The following CPD variants were observed in gnomAD, a reference collection of about 807,000 sequenced individuals.
CPD encodes the protein carboxypeptidase D.
A neutral mutation model predicts 138.3 loss-of-function variants in CPD; 69 were observed. The observed-to-expected ratio is 0.50, with a 90% CI of 0.41 to 0.61. The LOEUF (loss-of-function observed/expected upper bound fraction) is 0.61, where lower values mean the gene tolerates loss of function less well. Ranked by LOEUF, CPD falls within the 20% of genes least tolerant of loss-of-function variation. The pLI is 0.00. For missense variants in CPD, 1,432 were observed against 1,733.3 expected (o/e 0.83, Z 3.09); for synonymous variants, 651 against 642.1 (o/e 1.01, Z -0.21).
intron 2 of CPD, among the ~76,000 whole-genome samples, chr17:30,394,047 G>A (rs974702013): frequency 6.7e-6 from 1 of 150,026 alleles, no homozygotes; most frequent in South Asian, 2.1e-4. Flanking sequence ...AGGGGCTGAG[G>A]CAGCAAGATA....
intron 1 of CPD, among the ~76,000 whole-genome samples, chr17:30,383,100 G>A (rs1440760301): frequency 6.6e-6 from 1 of 152,152 alleles, no homozygotes; most frequent in Admixed American, 6.5e-5. Flanking sequence ...TTAGAGTGGA[G>A]TTAGAAAGTT....
intron 17 of CPD, among the ~76,000 whole-genome samples, chr17:30,458,559 T>C (rs2143505374): frequency 6.6e-6 from 1 of 152,162 alleles, no homozygotes; most frequent in Non-Finnish European, 1.5e-5. Context: ...CCGCCTATCC[T>C]TGTGTTTTCT....
intron 2 of CPD, among the ~76,000 whole-genome samples, chr17:30,395,723 T>TA (rs1911488515): frequency 5.4e-5 from 6 of 111,592 alleles, no homozygotes; most frequent in African/African-American, 6.6e-5. Flanking sequence ...GAGAGTACAT[T>TA]TAAAAAAAAA....
chr17:30,380,764 G>A, intron 1 of CPD: 1 of 641,382 alleles, frequency 1.6e-6, no homozygotes, highest in Non-Finnish European at 2.5e-6. Context: ...TCCAGAGATG[G>A]GCAGGATTTT....
At chr17:30,394,249 A>G (rs1010897355) in intron 2 of CPD, among the ~76,000 whole-genome samples, 7 of 148,324 alleles carry the variant, frequency 4.7e-5, no homozygotes, top group African/African-American at 7.5e-5. Context: ...CGAAGATCCC[A>G]CAGTCTGACT....
At chr17:30,425,797 A>G (rs1254673387) in intron 6 of CPD, among the ~76,000 whole-genome samples, 22 of 152,222 alleles carry the variant, frequency 1.4e-4, no homozygotes, top group Admixed American at 1.4e-3. Flanking sequence ...TTTTCCTCCC[A>G]GATTATGAGC....
chr17:30,451,270 G>A (rs1913159529), intron 13 of CPD, among the ~76,000 whole-genome samples: 1 of 152,176 alleles, frequency 6.6e-6, no homozygotes, highest in Admixed American at 6.5e-5. Context: ...GTGTAATTAG[G>A]TGACATGAAC....
chr17:30,393,760 G>A (rs964669589), intron 2 of CPD, among the ~76,000 whole-genome samples: 1 of 152,200 alleles, frequency 6.6e-6, no homozygotes, highest in African/African-American at 2.4e-5. Flanking sequence ...CAGCTGTCAC[G>A]CTTAGGGAAG....
chr17:30,441,832 T>C (rs1270033592), intron 9 of CPD, among the ~76,000 whole-genome samples: 2 of 148,648 alleles, frequency 1.3e-5, no homozygotes, highest in Non-Finnish European at 3.0e-5. Context: ...ATTGAGGATT[T>C]TTGCATCAAT....
intron 2 of CPD, among the ~76,000 whole-genome samples, chr17:30,415,054 C>CAG (rs1912068909): frequency 6.6e-6 from 1 of 152,182 alleles, no homozygotes. Context: ...GGACCAAAGG[C>CAG]AGAACCTTAG....
intron 2 of CPD, among the ~76,000 whole-genome samples, chr17:30,399,164 G>A (rs1026016130): frequency 2.0e-5 from 3 of 151,806 alleles, no homozygotes; most frequent in Non-Finnish European, 4.4e-5. Flanking sequence ...ATAACATCGT[G>A]GTCAGAGAAC....
intron 2 of CPD, among the ~76,000 whole-genome samples, chr17:30,398,770 C>A (rs868488967): frequency 6.6e-6 from 1 of 151,640 alleles, no homozygotes; most frequent in Non-Finnish European, 1.5e-5. Flanking sequence ...TTGAATTATT[C>A]ATAACTTAAT....
chr17:30,402,612 A>G (rs1332215976), intron 2 of CPD, among the ~76,000 whole-genome samples: 3 of 152,222 alleles, frequency 2.0e-5, no homozygotes, highest in East Asian at 3.8e-4. Flanking sequence ...TCCTTGTAAC[A>G]TGGTTATAAT....
rs564898906 is a variant in CPD, at chr17:30,469,120, A to G, written c.*4306A>G. On this transcript the variant is annotated 3_prime_UTR_variant, in exon 21 of 21. Transcript: ENST00000225719. ...AATATCCCCTTTTCACTTAGCAACA[A>G]TGTGTTACTTCTACCCTAATAGGAA... The G allele has an allele frequency of 3.3e-5, 5 of 152,292 alleles. No homozygotes were observed. The South Asian group carries it at 1.0e-3, about 32-fold the overall frequency. The allele number at this position is 152,292 out of a possible 1,614,324, so 9.4% of individuals were successfully genotyped here.
At chr17:30,408,938 G>A (rs1181769608) in intron 2 of CPD, among the ~76,000 whole-genome samples, 1 of 152,020 alleles carries the variant, frequency 6.6e-6, no homozygotes, top group East Asian at 1.9e-4. Context: ...CAGTATTCTT[G>A]TGCCAGTTTT....
chr17:30,394,674 A>G (rs947804933), intron 2 of CPD, among the ~76,000 whole-genome samples: 1 of 152,168 alleles, frequency 6.6e-6, no homozygotes, highest in Non-Finnish European at 1.5e-5. Context: ...GGCTTTACCT[A>G]GAGGGCATGT....
intron 3 of CPD, among the ~76,000 whole-genome samples, chr17:30,421,277 T>A (rs1912260063): frequency 1.3e-5 from 2 of 152,184 alleles, no homozygotes; most frequent in South Asian, 4.1e-4. Flanking sequence ...ACTCTCAGGT[T>A]CTTACAATGT....
At position 30,451,768 on chromosome 17, in the gene CPD, A is replaced by G; in HGVS notation, c.3127A>G (p.Arg1043Gly). 1 of 1,614,066 alleles carries G rather than the reference A, an allele frequency of 6.2e-7. No homozygotes were observed. Among genetic ancestry groups the G allele is most frequent in the African/African-American group, 1.3e-5 (1 of 75,044 alleles). ...TTCTCTAAATCCAGATGGGCGAGAG[A>G]GAGCTCAAGAGAAAGACTGTACTTC... The part of the protein sequence containing the change: ...VPSLNPDGRE[R>G]AQEKDCTSKI... The change falls in exon 14 of 21, where the codon AGA (arginine) becomes GGA (glycine). Residue 1043 changes from arginine to glycine, a missense_variant. Physicochemically the swap from Arg to Gly is moderately radical, Grantham distance 125. Around this residue, in one of 6 missense-constraint regions of CPD, gnomAD observed 366 missense variants for 518.8 expected, o/e 0.71. Coordinates refer to ENST00000225719, the MANE Select transcript of CPD (RefSeq NM_001304.5).
At chr17:30,394,375 A>G (rs764868643) in intron 2 of CPD, among the ~76,000 whole-genome samples, 11 of 152,086 alleles carry the variant, frequency 7.2e-5, no homozygotes, top group Non-Finnish European at 1.3e-4. Context: ...GCTTTTCACC[A>G]GTTTAGCTGT....
Sources: gnomAD v4.1 joint callset for allele counts (sites outside exome capture counted in the v4.1 genomes callset) on GRCh38, gnomAD v4.1.1 for gene constraint, gnomAD v4.1.1 regional missense constraint, MANE v1.5 for transcripts, NCBI Gene and HGNC (gene_info 2026-07-23, HGNC 2026-07-21) for gene names.